The following USH2A variants were observed in gnomAD, a reference collection of about 807,000 sequenced individuals.
The protein encoded by USH2A is Usher syndrome 2A (autosomal recessive, mild).
Under a neutral mutation model 538.9 loss-of-function variants are expected in USH2A, and 443 were observed. That is an observed-to-expected ratio of 0.82 (90% confidence interval 0.76 to 0.89). The LOEUF is 0.89. USH2A is among the 40% of genes least tolerant of loss of function. The pLI is 0.00. For synonymous variants in USH2A, 2,413 were observed against 2,273.5 expected (o/e 1.06, Z -1.75); for missense variants, 6,633 against 6,324.8 (o/e 1.05, Z -1.65).
chr1:216,048,691 G>A (rs766902304), intron 30 of USH2A, 44 bp from the exon 31 acceptor site: 7 of 1,504,784 alleles, frequency 4.7e-6, no homozygotes, highest in Non-Finnish European at 6.5e-6. Context: ...TTTACCATAA[G>A]CATCAATAAA....
Position 216,321,946 on chromosome 1 carries a change from G to T in USH2A, c.1581C>A (p.Cys527Ter). Residue 527 changes from cysteine to a stop codon, truncating the protein, a stop_gained, in exon 9 of 72, where the codon TGC becomes TGA. Transcript: ENST00000307340. LOFTEE classifies it high-confidence loss of function. ...ATCTATATGGCTGGCTTGTTGTGTC[G>T]CAGTTATCGGCATGACCATGGCACT... ...RCQCHGHADN[C>*]DTTSQPYRCL... 6.2e-7 allele frequency: 1 copy of T among 1,613,768 alleles called. No individual in the cohort carries two copies. Among genetic ancestry groups the T allele is most frequent in the African/African-American group, 1.3e-5 (1 of 74,980 alleles).
At position 216,358,648 on chromosome 1, in the gene USH2A, C is replaced by T. The variant is rs139626038; in HGVS notation, c.784+6305G>A. 4.0e-3 allele frequency among the ~76,000 whole-genome samples: 610 copies of T among 151,968 alleles called. 4 individuals carry two copies. Among genetic ancestry groups the T allele is most frequent in the African/African-American group, 0.014 (573 of 41,454 alleles). Reference sequence around the variant, plus strand: ...AATTAGAGAAAAGATACAGTAGGTACGACTGTACATATAAATTGATAGAAT... The same window carrying T: ...AATTAGAGAAAAGATACAGTAGGTATGACTGTACATATAAATTGATAGAAT... On this transcript the variant is annotated intron_variant, in intron 4 of 71. Transcript: ENST00000307340.
chr1:215,681,866 G>A (rs796720572), intron 61 of USH2A, among the ~76,000 whole-genome samples: 4 of 152,038 alleles, frequency 2.6e-5, no homozygotes, highest in Admixed American at 6.6e-5. Flanking sequence ...GATATTACAC[G>A]CTAACCTCTT....
At chr1:216,354,186 GTA>G (rs1188337593) in intron 4 of USH2A, among the ~76,000 whole-genome samples, 1 of 152,064 alleles carries the variant, frequency 6.6e-6, no homozygotes, top group Admixed American at 6.6e-5. Context: ...AGTCAGTTTG[GTA>G]TTTTTTCTTT....
intron 23 of USH2A, among the ~76,000 whole-genome samples, chr1:216,087,423 C>A (rs1156714527): frequency 6.6e-6 from 1 of 152,046 alleles, no homozygotes; most frequent in African/African-American, 2.4e-5. Context: ...TGTCTCTCCC[C>A]AAACCTGCTT....
chr1:216,103,632 T>G (rs1365513107), intron 21 of USH2A, among the ~76,000 whole-genome samples: 1 of 152,158 alleles, frequency 6.6e-6, no homozygotes, highest in Admixed American at 6.5e-5. Flanking sequence ...TACTATAGAT[T>G]TTTTTAATCT....
intron 49 of USH2A, among the ~76,000 whole-genome samples, chr1:215,802,862 C>A (rs879924554): frequency 3.9e-5 from 6 of 152,208 alleles, no homozygotes; most frequent in Admixed American, 2.6e-4. Context: ...GCAGAAATAA[C>A]CCCAATGTCC....
At chr1:216,019,718 A>G (rs1668802118) in intron 32 of USH2A, among the ~76,000 whole-genome samples, 1 of 152,180 alleles carries the variant, frequency 6.6e-6, no homozygotes. Flanking sequence ...CACCCATTTA[A>G]TTCATCATAA....
chr1:216,146,046 G>A (rs564820226), intron 21 of USH2A, among the ~76,000 whole-genome samples: 5 of 152,262 alleles, frequency 3.3e-5, no homozygotes, highest in East Asian at 1.9e-4. Flanking sequence ...ACACGGACGC[G>A]CATGAAATTT....
intron 3 of USH2A, among the ~76,000 whole-genome samples, chr1:216,395,992 C>T (rs1015587138): frequency 8.5e-5 from 13 of 152,166 alleles, no homozygotes; most frequent in African/African-American, 1.9e-4. Context: ...GTTTCAACTC[C>T]TCCACAGCTA....
chr1:216,029,783 C>A lies in USH2A; in HGVS notation c.6325+16648G>T, dbSNP rs376256704. Among the ~76,000 whole-genome samples the A allele has an allele frequency of 2.6e-5, 4 of 151,626 alleles. No homozygotes were observed. In the South Asian group the frequency reaches 6.2e-4, roughly 24 times the overall value. Reference sequence around the variant, plus strand: ...ACTTAAACTATCTAGACTTCAGCTACAAAACCATTACCAGGGTCATGATGC... The same window carrying A: ...ACTTAAACTATCTAGACTTCAGCTAAAAAACCATTACCAGGGTCATGATGC... On this transcript the variant is annotated intron_variant, in intron 32 of 71. Transcript: ENST00000307340.
chr1:215,953,962 A>T (rs1309560684), intron 37 of USH2A, among the ~76,000 whole-genome samples: 2 of 152,190 alleles, frequency 1.3e-5, no homozygotes, highest in African/African-American at 4.8e-5. Context: ...CACATGAAAA[A>T]ATGCTCATCA....
intron 47 of USH2A, among the ~76,000 whole-genome samples, chr1:215,825,302 G>A (rs1663122105): frequency 6.6e-6 from 1 of 151,992 alleles, no homozygotes; most frequent in African/African-American, 2.4e-5. Flanking sequence ...TTCTGACTCA[G>A]CCTCCCAACT....
At chr1:215,985,204 AAAGT>A (rs1667844041) in intron 35 of USH2A, among the ~76,000 whole-genome samples, 1 of 152,264 alleles carries the variant, frequency 6.6e-6, no homozygotes, top group African/African-American at 2.4e-5. Context: ...TTTAAAATAA[AAAGT>A]AAGAAAATCA....
chr1:216,412,864 T>A (rs1426287138), intron 3 of USH2A, among the ~76,000 whole-genome samples: 1 of 152,010 alleles, frequency 6.6e-6, no homozygotes, highest in East Asian at 1.9e-4. Context: ...GCTAATTTTT[T>A]AAAATCTCTG....
At chr1:215,678,302 C>T (rs1471917087) in intron 62 of USH2A, among the ~76,000 whole-genome samples, 1 of 152,206 alleles carries the variant, frequency 6.6e-6, no homozygotes, top group Non-Finnish European at 1.5e-5. Flanking sequence ...CCACAGCCTA[C>T]AATGTTGGGA....
intron 67 of USH2A, among the ~76,000 whole-genome samples, chr1:215,643,988 A>T (rs2102639162): frequency 6.6e-6 from 1 of 152,340 alleles, no homozygotes; most frequent in East Asian, 1.9e-4. Context: ...CAACCAAAAA[A>T]CTGCAACATT....
chr1:215,960,207 A>C (rs1474712246), intron 37 of USH2A, among the ~76,000 whole-genome samples: 2 of 152,116 alleles, frequency 1.3e-5, no homozygotes, highest in African/African-American at 4.8e-5. Context: ...ATAATGATGT[A>C]ACCCTAAATT....
At chr1:215,684,511 A>G (rs1450797648) in intron 61 of USH2A, among the ~76,000 whole-genome samples, 1 of 152,202 alleles carries the variant, frequency 6.6e-6, no homozygotes, top group African/African-American at 2.4e-5. Context: ...ATGATCCAGC[A>G]GTTTCCAGAG....
Sources: gnomAD v4.1 joint callset for allele counts (sites outside exome capture counted in the v4.1 genomes callset) on GRCh38, gnomAD v4.1.1 for gene constraint, MANE v1.5 for transcripts, NCBI Gene and HGNC (gene_info 2026-07-23, HGNC 2026-07-21) for gene names.